COX7B2: variants seen among roughly 807,000 people sequenced by gnomAD.
COX7B2 encodes the protein cytochrome c oxidase subunit 7B2, mitochondrial.
For missense variants in COX7B2, 109 were observed against 95.9 expected (o/e 1.14, Z -0.57); for synonymous variants, 37 against 32.1 (o/e 1.15, Z -0.51).
intron 1 of COX7B2, among the ~76,000 whole-genome samples, chr4:46,892,675 C>T (rs952364836): frequency 6.6e-6 from 1 of 152,082 alleles, no homozygotes; most frequent in African/African-American, 2.4e-5. Flanking sequence ...TCAAAGTAGC[C>T]TCAACATCTT....
At chr4:46,869,989 C>T (rs1717886900) in intron 1 of COX7B2, among the ~76,000 whole-genome samples, 1 of 152,060 alleles carries the variant, frequency 6.6e-6, no homozygotes, top group Non-Finnish European at 1.5e-5. Context: ...TTTGCTTTCT[C>T]CTCCTCCCTT....
intron 2 of COX7B2, among the ~76,000 whole-genome samples, chr4:46,788,654 A>G (rs987561170): frequency 2.0e-5 from 3 of 152,360 alleles, no homozygotes; most frequent in Admixed American, 6.5e-5. Context: ...CTCCACATAT[A>G]GAAATCAATT....
At chr4:46,784,819 C>T (rs1457106904) in intron 2 of COX7B2, among the ~76,000 whole-genome samples, 3 of 152,122 alleles carry the variant, frequency 2.0e-5, no homozygotes, top group African/African-American at 7.2e-5. Context: ...TAATGCCATC[C>T]AGAAGTACTG....
intron 1 of COX7B2, among the ~76,000 whole-genome samples, chr4:46,859,431 G>A (rs923425843): frequency 6.6e-5 from 10 of 152,088 alleles, no homozygotes; most frequent in Non-Finnish European, 7.4e-5. Context: ...TCTTGATGAA[G>A]GAGCTTTCAC....
chr4:46,756,696 T>G (rs946356510), intron 2 of COX7B2, among the ~76,000 whole-genome samples: 5 of 151,966 alleles, frequency 3.3e-5, no homozygotes, highest in African/African-American at 1.2e-4. Flanking sequence ...TGAAAAAATA[T>G]TCAACATCAC....
chr4:46,801,435 C>A lies in COX7B2; in HGVS notation c.-50+43525G>T, dbSNP rs554657025. On this transcript the variant is annotated intron_variant, in intron 2 of 2. Coordinates refer to ENST00000355591, the MANE Select transcript of COX7B2 (RefSeq NM_130902.3). ...CAACATCATGTCCTTTGCAGCAACA[C>A]AGATGTAGCTAAAGGCCATTATCCT... Among the ~76,000 whole-genome samples, 6 of 152,188 alleles carry A rather than the reference C, an allele frequency of 3.9e-5. No homozygotes were observed. The South Asian group carries it at 1.2e-3, about 32-fold the overall frequency.
intron 2 of COX7B2, among the ~76,000 whole-genome samples, chr4:46,823,675 C>T (rs1233074457): frequency 6.6e-6 from 1 of 151,104 alleles, no homozygotes; most frequent in Non-Finnish European, 1.5e-5. Flanking sequence ...AGGTCAGCAA[C>T]ACAAATTACC....
intron 1 of COX7B2, among the ~76,000 whole-genome samples, chr4:46,887,708 C>A (rs1719162403): frequency 3.4e-5 from 4 of 118,970 alleles, no homozygotes; most frequent in Non-Finnish European, 1.6e-5. Context: ...AAGACTCCTT[C>A]TCAAAAAAAA....
intron 2 of COX7B2, among the ~76,000 whole-genome samples, chr4:46,773,321 A>G (rs1393167191): frequency 6.6e-6 from 1 of 152,050 alleles, no homozygotes; most frequent in Non-Finnish European, 1.5e-5. Flanking sequence ...TTAGTGAGTG[A>G]GTTCTCACAA....
intron 2 of COX7B2, among the ~76,000 whole-genome samples, chr4:46,818,050 T>G (rs1459280025): frequency 6.6e-6 from 1 of 152,228 alleles, no homozygotes; most frequent in Non-Finnish European, 1.5e-5. Context: ...AGTCTTATTA[T>G]GCTCATTACA....
At chr4:46,822,819 A>G (rs1433378871) in intron 2 of COX7B2, among the ~76,000 whole-genome samples, 2 of 152,238 alleles carry the variant, frequency 1.3e-5, no homozygotes, top group African/African-American at 4.8e-5. Context: ...ATTCCAATAC[A>G]TAAAAAATAA....
chr4:46,796,305 T>C (rs1718339265), intron 2 of COX7B2, among the ~76,000 whole-genome samples: 1 of 148,380 alleles, frequency 6.7e-6, no homozygotes, highest in African/African-American at 2.6e-5. Flanking sequence ...GCTTCCAGTT[T>C]TTGCCCATTT....
intron 1 of COX7B2, among the ~76,000 whole-genome samples, chr4:46,866,651 C>G (rs1018798824): frequency 1.3e-5 from 2 of 152,106 alleles, no homozygotes; most frequent in African/African-American, 4.8e-5. Context: ...CTACCTGAGA[C>G]AACCCTAAGG....
chr4:46,764,311 G>A (rs1276914079), intron 2 of COX7B2, among the ~76,000 whole-genome samples: 3 of 149,328 alleles, frequency 2.0e-5, no homozygotes, highest in African/African-American at 7.4e-5. Context: ...TTGGGAGGCT[G>A]AGGCGGGTGG....
chr4:46,768,782 C>T (rs1465585196), intron 2 of COX7B2, among the ~76,000 whole-genome samples: 1 of 151,980 alleles, frequency 6.6e-6, no homozygotes, highest in Non-Finnish European at 1.5e-5. Context: ...ATCAATGAAA[C>T]TAAAATTAGT....
At chr4:46,740,404 G>A (rs79601454) in intron 2 of COX7B2, among the ~76,000 whole-genome samples, 1,732 of 152,022 alleles carry the variant, frequency 0.011, 20 homozygotes, top group Middle Eastern at 0.038. Flanking sequence ...TGGTTTTATC[G>A]TTGTATTAAG....
intron 2 of COX7B2, among the ~76,000 whole-genome samples, chr4:46,824,308 C>A (rs1714519148): frequency 6.6e-6 from 1 of 152,112 alleles, no homozygotes. Flanking sequence ...TCTTGCTCAA[C>A]TCATACTATG....
intron 1 of COX7B2, among the ~76,000 whole-genome samples, chr4:46,877,167 G>A (rs549537112): frequency 1.7e-3 from 263 of 152,218 alleles, no homozygotes; most frequent in Non-Finnish European, 3.1e-3. Flanking sequence ...ATCAGGGAGT[G>A]GTAAGTAGAG....
In COX7B2 at chr4:46,868,253, G is replaced by A. The variant is rs574669589; in HGVS notation, c.-104-23239C>T. Among the ~76,000 whole-genome samples the A allele has an allele frequency of 1.5e-3, 227 of 152,110 alleles. 1 individual carries two copies. The highest frequency in any genetic ancestry group is 6.8e-3 in the Middle Eastern group (2 of 294). ...CTTTACCATTTCTAATTGTGTTTAT[G>A]TGGATCTTCTCTCTTTTCTTCATTA... On this transcript the variant is annotated intron_variant, in intron 1 of 2. Transcript: ENST00000355591.
Sources: gnomAD v4.1 joint callset for allele counts (sites outside exome capture counted in the v4.1 genomes callset) on GRCh38, gnomAD v4.1.1 for gene constraint, MANE v1.5 for transcripts, NCBI Gene and HGNC (gene_info 2026-07-23, HGNC 2026-07-21) for gene names.